The following ABTB3 variants were observed in gnomAD, a reference collection of about 807,000 sequenced individuals.
ABTB3 encodes the protein ankyrin repeat and BTB domain containing 3.
At chr12:107,617,567 C>T in the ABTB3 span, 1 of 1,236,026 alleles carries the variant, frequency 8.1e-7, no homozygotes, top group Non-Finnish European at 1.1e-6. Flanking sequence ...GTCCAGGCCC[C>T]AGGTCTGGCC....
At chr12:107,609,641 G>C in the ABTB3 span, among the ~76,000 whole-genome samples, 14,699 of 152,232 alleles carry the variant, frequency 0.097, 798 homozygotes, top group Middle Eastern at 0.12. Context: ...CTTGCTCTCA[G>C]AAGTCCCCAG....
At chr12:107,654,946 C>A in the ABTB3 span, among the ~76,000 whole-genome samples, 1 of 150,456 alleles carries the variant, frequency 6.6e-6, no homozygotes, top group Non-Finnish European at 1.5e-5. Flanking sequence ...GATTACTTTG[C>A]AGAAGAGAGG....
chr12:107,619,582 C>G, the ABTB3 span, among the ~76,000 whole-genome samples: 113 of 152,290 alleles, frequency 7.4e-4, no homozygotes, highest in Non-Finnish European at 1.2e-3. Flanking sequence ...TCTTCTCCCC[C>G]CTGAGCTTCT....
At chr12:107,594,676 G>C in the ABTB3 span, among the ~76,000 whole-genome samples, 1 of 152,100 alleles carries the variant, frequency 6.6e-6, no homozygotes, top group African/African-American at 2.4e-5. Flanking sequence ...CCATGAAAGG[G>C]AGTTTGACTA....
the ABTB3 span, among the ~76,000 whole-genome samples, chr12:107,464,206 A>AGTGTGTGTGTGTGTGT: frequency 7.5e-6 from 1 of 133,536 alleles, no homozygotes; most frequent in Non-Finnish European, 1.6e-5. Context: ...ACATGTGAAG[A>AGTGTGTGTGTGTGTGT]GTGTGTGTGT....
At chr12:107,382,916 T>C in the ABTB3 span, among the ~76,000 whole-genome samples, 81,739 of 151,856 alleles carry the variant, frequency 0.54, 22,437 homozygotes, top group East Asian at 0.69. Context: ...TAATAATAAT[T>C]AAAAGAAAAA....
At chr12:107,355,690 C>T in the ABTB3 span, among the ~76,000 whole-genome samples, 1 of 152,152 alleles carries the variant, frequency 6.6e-6, no homozygotes, top group Admixed American at 6.5e-5. Flanking sequence ...ATGAAACAGA[C>T]ATAATAACTT....
the ABTB3 span, among the ~76,000 whole-genome samples, chr12:107,551,009 A>C: frequency 6.6e-6 from 1 of 152,248 alleles, no homozygotes. Context: ...TTGAGAACAA[A>C]AATACCACCC....
chr12:107,545,816 C>G, the ABTB3 span, among the ~76,000 whole-genome samples: 1 of 152,156 alleles, frequency 6.6e-6, no homozygotes, highest in African/African-American at 2.4e-5. Flanking sequence ...AAACTACTGG[C>G]CTCAGCCTAT....
At chr12:107,495,344 G>A in the ABTB3 span, among the ~76,000 whole-genome samples, 1 of 152,242 alleles carries the variant, frequency 6.6e-6, no homozygotes, top group Non-Finnish European at 1.5e-5. Context: ...AGGCAGAACA[G>A]ACTTGAGGCA....
the ABTB3 span, among the ~76,000 whole-genome samples, chr12:107,648,029 G>C: frequency 6.6e-6 from 1 of 152,134 alleles, no homozygotes; most frequent in Non-Finnish European, 1.5e-5. Context: ...CGTAGATTTT[G>C]CCCACACAGC....
At chr12:107,398,131 C>G in the ABTB3 span, among the ~76,000 whole-genome samples, 1 of 152,120 alleles carries the variant, frequency 6.6e-6, no homozygotes, top group South Asian at 2.1e-4. Flanking sequence ...ATTACACAGC[C>G]TGGCCACCTT....
the ABTB3 span, among the ~76,000 whole-genome samples, chr12:107,458,967 G>A: frequency 1.3e-5 from 2 of 152,170 alleles, no homozygotes; most frequent in East Asian, 1.9e-4. Flanking sequence ...TTGAGAACAG[G>A]GGGGCCTGCC....
At chr12:107,610,390 C>G in the ABTB3 span, 50 of 1,607,632 alleles carry the variant, frequency 3.1e-5, no homozygotes, top group Non-Finnish European at 4.2e-5. Flanking sequence ...GGCTCCCCAC[C>G]TCCTCCATGT....
chr12:107,436,474 G>A, the ABTB3 span, among the ~76,000 whole-genome samples: 22 of 152,352 alleles, frequency 1.4e-4, no homozygotes, highest in African/African-American at 5.1e-4. Flanking sequence ...AGGATTTGGA[G>A]CCACTTCTGT....
At chr12:107,515,700 A>G in the ABTB3 span, among the ~76,000 whole-genome samples, 11 of 152,158 alleles carry the variant, frequency 7.2e-5, no homozygotes, top group African/African-American at 4.8e-5. Flanking sequence ...GGAGAATGAC[A>G]TGGCTGTCAA....
the ABTB3 span, among the ~76,000 whole-genome samples, chr12:107,467,151 C>T: frequency 6.6e-6 from 1 of 152,118 alleles, no homozygotes; most frequent in Non-Finnish European, 1.5e-5. Flanking sequence ...GTATAATGAG[C>T]TCCCAAACTC....
the ABTB3 span, among the ~76,000 whole-genome samples, chr12:107,607,787 C>CA: frequency 2.0e-5 from 3 of 152,164 alleles, no homozygotes; most frequent in African/African-American, 7.2e-5. Flanking sequence ...GTTTTCAGAC[C>CA]AAGGCTCCTC....
chr12:107,513,466 C>T, the ABTB3 span, among the ~76,000 whole-genome samples: 1 of 152,136 alleles, frequency 6.6e-6, no homozygotes, highest in Non-Finnish European at 1.5e-5. Context: ...CCTGGCATTT[C>T]CCCTGCTTGC....
Sources: gnomAD v4.1 joint callset for allele counts (sites outside exome capture counted in the v4.1 genomes callset) on GRCh38, gnomAD v4.1.1 for gene constraint, MANE v1.5 for transcripts, NCBI Gene and HGNC (gene_info 2026-07-23, HGNC 2026-07-21) for gene names.